Variants in TLR7 observed in about 807,000 individuals in gnomAD.
TLR7 encodes toll-like receptor 7.
Under a neutral mutation model 38.3 loss-of-function variants are expected in TLR7, and 12 were observed. The observed-to-expected ratio is 0.31, with a 90% CI of 0.20 to 0.51. The LOEUF (loss-of-function observed/expected upper bound fraction) is 0.51, where lower values mean the gene tolerates loss of function less well. TLR7 is among the 20% of genes least tolerant of loss of function. TLR7 has a pLI of 0.98. For synonymous variants in TLR7, 285 were observed against 293.8 expected (o/e 0.97, Z 0.31); for missense variants, 504 against 743.4 (o/e 0.68, Z 3.74).
chrX:12,886,668 G>T lies in TLR7; in HGVS notation c.1160G>T (p.Ser387Ile). 8.3e-7 allele frequency: 1 copy of T among 1,211,629 alleles called. No homozygotes were observed. Among genetic ancestry groups the T allele is most frequent in the Non-Finnish European group, 1.1e-6 (1 of 895,259 alleles). Residue 387 changes from serine (S) to isoleucine (I), a missense_variant, in exon 3 of 3, where the codon AGC (serine) becomes ATC (isoleucine). Physicochemically the swap from Ser to Ile is moderately radical, Grantham distance 142. Transcript: ENST00000380659. ...IRGYVFKELKSFNLSPLHNLQ... is the reference protein window; with the variant it reads ...IRGYVFKELKIFNLSPLHNLQ... Reference sequence around the variant, plus strand: ...GGATATGTCTTTAAAGAGTTGAAAAGCTTTAACCTCTCGCCATTACATAAT... The same window carrying T: ...GGATATGTCTTTAAAGAGTTGAAAATCTTTAACCTCTCGCCATTACATAAT...
At chrX:12,881,448 A>ATAATAAAC (rs2042891266) in intron 2 of TLR7, among the ~76,000 whole-genome samples, 2 of 107,460 alleles carry the variant, frequency 1.9e-5, no homozygotes, top group African/African-American at 6.8e-5. Context: ...TTTTTAATAA[A>ATAATAAAC]TGAGTTATTC....
chrX:12,876,093 G>A (rs939305024), intron 2 of TLR7, among the ~76,000 whole-genome samples: 1 of 109,611 alleles, frequency 9.1e-6, no homozygotes, highest in African/African-American at 3.3e-5. Context: ...TGAGTAGCTG[G>A]GATTACAGGT....
chrX:12,867,489 A>C lies in TLR7; in HGVS notation c.-90A>C. ...TCTTCTCTTTCTCTTAGTTGATGCT[A>C]TTGGGCCCATCTCAAGCTGATCTTG... On this transcript the variant is annotated 5_prime_UTR_variant, in exon 2 of 3. Transcript: ENST00000380659. The C allele has an allele frequency of 2.5e-6, 2 of 810,866 alleles. No homozygotes were observed. Among genetic ancestry groups the C allele is most frequent in the Non-Finnish European group, 3.7e-6 (2 of 539,109 alleles). The allele number at this position is 810,866 out of a possible 1,213,427, so 66.8% of individuals were successfully genotyped here.
In TLR7 at chrX:12,880,649, G is replaced by C. The variant is rs754378817; in HGVS notation, c.4-4863G>C. Among the ~76,000 whole-genome samples, 3 of 111,225 alleles carry C rather than the reference G, an allele frequency of 2.7e-5. No homozygotes were observed. The South Asian group carries it at 1.1e-3, about 43-fold the overall frequency. ...TTTTTCTCATTTTTCTTTACTTCACGATTCATATATGCAGGCATTCATTCT... is the reference window on the plus strand; with the variant it reads ...TTTTTCTCATTTTTCTTTACTTCACCATTCATATATGCAGGCATTCATTCT... On this transcript the variant is annotated intron_variant, in intron 2 of 2. Transcript: ENST00000380659.
intron 2 of TLR7, among the ~76,000 whole-genome samples, chrX:12,875,821 C>T (rs1011165791): frequency 2.7e-5 from 3 of 112,080 alleles, no homozygotes; most frequent in Non-Finnish European, 5.6e-5. Context: ...TACCCAAACT[C>T]GGATATGTTT....
chrX:12,885,710 A>C lies in TLR7; in HGVS notation c.202A>C (p.Thr68Pro). The change falls in exon 3 of 3, where the codon ACG (threonine) becomes CCG (proline). Residue 68 changes from threonine to proline, a missense_variant. Coordinates refer to ENST00000380659, the MANE Select transcript of TLR7 (RefSeq NM_016562.4). ...TCCTGGAGGTATTCCCACGAACACCACGAACCTCACCCTCACCATTAACCA... is the reference window on the plus strand; with the variant it reads ...TCCTGGAGGTATTCCCACGAACACCCCGAACCTCACCCTCACCATTAACCA... Reference protein sequence around the residue: ...EIPGGIPTNTTNLTLTINHIP... With the variant: ...EIPGGIPTNTPNLTLTINHIP... 1 of 1,211,761 alleles carries C rather than the reference A, an allele frequency of 8.3e-7. No individual in the cohort carries two copies. Among genetic ancestry groups the C allele is most frequent in the Non-Finnish European group, 1.1e-6 (1 of 895,477 alleles).
At chrX:12,868,163 T>C (rs2042840228) in intron 2 of TLR7, among the ~76,000 whole-genome samples, 1 of 109,946 alleles carries the variant, frequency 9.1e-6, no homozygotes, top group Non-Finnish European at 1.9e-5. Context: ...GGCCAAGGAG[T>C]AGAGTGGGGG....
At chrX:12,874,410 C>T (rs2042863804) in intron 2 of TLR7, among the ~76,000 whole-genome samples, 1 of 111,345 alleles carries the variant, frequency 9.0e-6, no homozygotes. Flanking sequence ...TTTTTCCTCC[C>T]TCTGTGGAAT....
chrX:12,885,674 T>C lies in TLR7; in HGVS notation c.166T>C (p.Leu56=), dbSNP rs2042907992. 1 of 1,210,032 alleles carries C rather than the reference T, an allele frequency of 8.3e-7. No homozygotes were observed. Among genetic ancestry groups the C allele is most frequent in the African/African-American group, 1.7e-5 (1 of 57,161 alleles). The part of the protein sequence containing the change: ...HVIVDCTDKH[L]TEIPGGIPTN... ...GATCGTGGACTGCACAGACAAGCAT[T>C]TGACAGAAATTCCTGGAGGTATTCC... The change falls in exon 3 of 3, where the codon TTG becomes CTG. Residue 56 remains leucine, a synonymous_variant. Transcript: ENST00000380659.
At chrX:12,873,561 T>C (rs933647247) in intron 2 of TLR7, among the ~76,000 whole-genome samples, 7 of 111,726 alleles carry the variant, frequency 6.3e-5, no homozygotes, top group African/African-American at 2.3e-4. Context: ...AATTTGATTT[T>C]AAAAGTTTTA....
At chrX:12,872,856 C>T (rs762708275) in intron 2 of TLR7, among the ~76,000 whole-genome samples, 33 of 109,076 alleles carry the variant, frequency 3.0e-4, no homozygotes, top group Non-Finnish European at 5.3e-4. Flanking sequence ...TTCACCCTTG[C>T]CCCTCACTGT....
At position 12,887,537 on chromosome X, in the gene TLR7, C is replaced by G; in HGVS notation, c.2029C>G (p.Leu677Val). 8.3e-7 allele frequency: 1 copy of G among 1,211,511 alleles called. No individual in the cohort carries two copies. The change falls in exon 3 of 3, where the codon CTA becomes GTA. Residue 677 changes from leucine to valine, a missense_variant. Transcript: ENST00000380659. ...AGTTTTTGATGGTATGCCTCCAAAT[C>G]TAAAGAATCTCTCTTTGGCCAAAAA... ...SGVFDGMPPN[L>V]KNLSLAKNGL...
Position 12,880,705 on chromosome X carries a change from G to T in TLR7, c.4-4807G>T, listed in dbSNP as rs367788544. ...TCATGTATCTCACAGACATAACGAG[G>T]TCCTAATTAAGTGCCAGGCATTGTT... On this transcript the variant is annotated intron_variant, in intron 2 of 2. Coordinates refer to ENST00000380659, the MANE Select transcript of TLR7 (RefSeq NM_016562.4). Among the ~76,000 whole-genome samples, 7 of 111,306 alleles carry T rather than the reference G, an allele frequency of 6.3e-5. No homozygotes were observed. The East Asian group carries it at 2.0e-3, about 31-fold the overall frequency.
At position 12,885,714 on chromosome X, in the gene TLR7, A is replaced by G; in HGVS notation, c.206A>G (p.Asn69Ser). ...GGAGGTATTCCCACGAACACCACGA[A>G]CCTCACCCTCACCATTAACCACATA... is the stretch of plus-strand genomic sequence containing the variant. ...IPGGIPTNTT[N>S]LTLTINHIPD... The change falls in exon 3 of 3, where the codon AAC becomes AGC. Residue 69 changes from asparagine (N) to serine (S), a missense_variant. Physicochemically the swap from Asn to Ser is conservative, Grantham distance 46 (BLOSUM62 1). Coordinates refer to ENST00000380659, the MANE Select transcript of TLR7 (RefSeq NM_016562.4). The G allele has an allele frequency of 3.3e-6, 4 of 1,211,440 alleles. No individual in the cohort carries two copies. The highest frequency in any genetic ancestry group is 4.5e-6 in the Non-Finnish European group (4 of 895,330).
chrX:12,880,992 C>T (rs1396122940), intron 2 of TLR7, among the ~76,000 whole-genome samples: 2 of 109,839 alleles, frequency 1.8e-5, no homozygotes, highest in Non-Finnish European at 1.9e-5. Flanking sequence ...TTTGGGAGGC[C>T]GAGGTGGGTG....
At position 12,872,414 on chromosome X, in the gene TLR7, G is replaced by A. The variant is rs992961504; in HGVS notation, c.3+4833G>A. Among the ~76,000 whole-genome samples the A allele has an allele frequency of 1.8e-5, 2 of 110,909 alleles. 1 individual carries two copies. The highest frequency in any genetic ancestry group is 7.6e-4 in the South Asian group (2 of 2,619). ...CTAGGAGACTCAACAGCTAGGTGCC[G>A]AAGCAGCTGCAGCTCCTCAAGTGTC... On this transcript the variant is annotated intron_variant, in intron 2 of 2. Transcript: ENST00000380659.
intron 2 of TLR7, among the ~76,000 whole-genome samples, chrX:12,869,184 A>G (rs1044315784): frequency 1.5e-4 from 17 of 111,882 alleles, no homozygotes; most frequent in Non-Finnish European, 3.0e-4. Context: ...ACTCAAGTAC[A>G]AAGGGGAAAT....
chrX:12,886,135 C>A lies in TLR7; in HGVS notation c.627C>A (p.Leu209=). 8.3e-7 allele frequency: 1 copy of A among 1,211,768 alleles called. No individual in the cohort carries two copies. The highest frequency in any genetic ancestry group is 1.1e-6 in the Non-Finnish European group (1 of 895,366). ...TAAACTTGACAAAGTTAAAAGTGCTCTCCCTGAAAGATAACAATGTCACAG... is the reference window on the plus strand; with the variant it reads ...TAAACTTGACAAAGTTAAAAGTGCTATCCCTGAAAGATAACAATGTCACAG... ...AFLNLTKLKV[L]SLKDNNVTAV... The change falls in exon 3 of 3, where the codon CTC becomes CTA. Residue 209 remains leucine, a synonymous_variant. Transcript: ENST00000380659.
At chrX:12,876,415 G>T (rs940192857) in intron 2 of TLR7, among the ~76,000 whole-genome samples, 12 of 112,566 alleles carry the variant, frequency 1.1e-4, no homozygotes, top group African/African-American at 3.9e-4. Context: ...TATACCAAGT[G>T]CATTTGCTGT....
Sources: allele counts gnomAD v4.1 joint callset (sites outside exome capture counted in the v4.1 genomes callset), GRCh38; gene constraint gnomAD v4.1.1; transcripts MANE v1.5; gene names NCBI Gene and HGNC (gene_info 2026-07-23, HGNC 2026-07-21).